Variants in MAGI2 observed in about 807,000 individuals in gnomAD.
The protein encoded by MAGI2 is membrane-associated guanylate kinase, WW and PDZ domain-containing protein 2.
In MAGI2, 35 loss-of-function variants were observed where a neutral mutation model predicts 133.3. The ratio of observed to expected loss-of-function variants is 0.26; its 90% CI spans 0.20 to 0.35. MAGI2 has a LOEUF of 0.35. Ranked by LOEUF, MAGI2 falls within the 10% of genes least tolerant of loss-of-function variation. The pLI, the probability that MAGI2 is intolerant of heterozygous loss-of-function variation, is 1.00. For missense variants in MAGI2, 1,636 were observed against 1,863.4 expected (o/e 0.88, Z 2.25); for synonymous variants, 729 against 710.6 (o/e 1.03, Z -0.41).
At chr7:78,230,103 G>A (rs191208171) in intron 10 of MAGI2, among the ~76,000 whole-genome samples, 1 of 152,296 alleles carries the variant, frequency 6.6e-6, no homozygotes, top group Non-Finnish European at 1.5e-5. Context: ...TATCGCTCAG[G>A]GGAATAGCAC....
At chr7:78,565,928 A>G (rs995206851) in intron 3 of MAGI2, among the ~76,000 whole-genome samples, 1 of 152,156 alleles carries the variant, frequency 6.6e-6, no homozygotes, top group Admixed American at 6.5e-5. Context: ...GTGCGGGTAG[A>G]TCATTAAACC....
intron 21 of MAGI2, among the ~76,000 whole-genome samples, chr7:78,061,113 G>A (rs927424523): frequency 4.0e-5 from 6 of 149,280 alleles, no homozygotes; most frequent in Non-Finnish European, 8.9e-5. Context: ...CCCCTGAGCC[G>A]AGATTGTGCC....
chr7:78,338,370 C>G (rs1291262457), intron 9 of MAGI2, among the ~76,000 whole-genome samples: 3 of 152,226 alleles, frequency 2.0e-5, no homozygotes, highest in African/African-American at 7.2e-5. Flanking sequence ...TCATCCAAAA[C>G]TCTTTCAGGC....
intron 6 of MAGI2, among the ~76,000 whole-genome samples, chr7:78,419,218 G>A (rs1457972404): frequency 1.3e-5 from 2 of 152,066 alleles, no homozygotes; most frequent in African/African-American, 4.8e-5. Context: ...ATAAGGATAG[G>A]ATCTTTTTCA....
intron 6 of MAGI2, among the ~76,000 whole-genome samples, chr7:78,479,051 A>G (rs1216290459): frequency 1.3e-5 from 2 of 151,936 alleles, no homozygotes; most frequent in African/African-American, 4.8e-5. Context: ...GGCAGCTGGA[A>G]GCACCTGCAC....
chr7:78,199,509 G>T (rs1397130472), intron 11 of MAGI2, among the ~76,000 whole-genome samples: 1 of 152,182 alleles, frequency 6.6e-6, no homozygotes, highest in Non-Finnish European at 1.5e-5. Flanking sequence ...TATAGAACTT[G>T]AGACTGATAG....
rs1799779742 is a variant in MAGI2, at chr7:78,555,889, CCA to C, written c.539-34246_539-34245del. The stretch of plus-strand genomic sequence containing the variant: ...TTACAACCTCCACTCTTACCACTAA[CCA>C]CTACTGGGTGGACTGAAGTCTCAAA... On this transcript the variant is annotated intron_variant, in intron 3 of 21. Coordinates refer to ENST00000354212, the MANE Select transcript of MAGI2 (RefSeq NM_012301.4). Among the ~76,000 whole-genome samples, 3 of 152,302 alleles carry C rather than the reference CCA, an allele frequency of 2.0e-5. 1 individual carries two copies. In the South Asian group the frequency reaches 6.2e-4, roughly 32 times the overall value.
At position 78,179,941 on chromosome 7, in the gene MAGI2, G is replaced by A. The variant is rs376461086; in HGVS notation, c.2312-1839C>T. 7.9e-5 allele frequency among the ~76,000 whole-genome samples: 12 copies of A among 152,292 alleles called. No individual in the cohort carries two copies. In the East Asian group the frequency reaches 1.7e-3, roughly 22 times the overall value. On this transcript the variant is annotated intron_variant, in intron 13 of 21. Coordinates refer to ENST00000354212, the MANE Select transcript of MAGI2 (RefSeq NM_012301.4). ...CTTTGGGAGTCTGGAGGCAGATGGA[G>A]TAGAGCTCTACAAAATCATAGCAGG...
At position 78,096,990 on chromosome 7, in the gene MAGI2, A is replaced by G. The variant is rs1817751374; in HGVS notation, c.3568-17905T>C. On this transcript the variant is annotated intron_variant, in intron 20 of 21. Coordinates refer to ENST00000354212, the MANE Select transcript of MAGI2 (RefSeq NM_012301.4). ...ACAAGAGAACAAACAACCCCATTAAAAAGTGGGCAAAGGACAAGAACAGAC... is the reference window on the plus strand; with the variant it reads ...ACAAGAGAACAAACAACCCCATTAAGAAGTGGGCAAAGGACAAGAACAGAC... 3.3e-5 allele frequency among the ~76,000 whole-genome samples: 5 copies of G among 152,228 alleles called. No homozygotes were observed. In the South Asian group the frequency reaches 8.3e-4, roughly 25 times the overall value.
At chr7:78,071,783 T>C (rs1409407104) in intron 21 of MAGI2, among the ~76,000 whole-genome samples, 1 of 152,186 alleles carries the variant, frequency 6.6e-6, no homozygotes, top group African/African-American at 2.4e-5. Context: ...CTTGAGTGAT[T>C]TGTGGAAGCT....
intron 6 of MAGI2, among the ~76,000 whole-genome samples, chr7:78,475,750 A>T (rs934331139): frequency 6.6e-6 from 1 of 151,918 alleles, no homozygotes; most frequent in Non-Finnish European, 1.5e-5. Context: ...GTAAAGCCAC[A>T]GGATTGGGAA....
At chr7:78,379,779 C>G (rs1433390283) in intron 6 of MAGI2, among the ~76,000 whole-genome samples, 1 of 151,950 alleles carries the variant, frequency 6.6e-6, no homozygotes, top group Non-Finnish European at 1.5e-5. Context: ...GCATGGAACA[C>G]TCGCCAAAAT....
intron 13 of MAGI2, among the ~76,000 whole-genome samples, chr7:78,182,571 C>G (rs556652857): frequency 1.5e-4 from 23 of 152,272 alleles, no homozygotes; most frequent in Admixed American, 3.3e-4. Flanking sequence ...TCTAGGGGAG[C>G]CTTCATTCTA....
At chr7:78,714,524 A>C (rs1239770284) in intron 2 of MAGI2, among the ~76,000 whole-genome samples, 1 of 152,182 alleles carries the variant, frequency 6.6e-6, no homozygotes, top group Non-Finnish European at 1.5e-5. Context: ...TATAGGCAAC[A>C]ACGAGGCATT....
At chr7:78,481,052 T>G (rs972282992) in intron 6 of MAGI2, among the ~76,000 whole-genome samples, 5 of 151,936 alleles carry the variant, frequency 3.3e-5, no homozygotes, top group Non-Finnish European at 5.9e-5. Context: ...TTTTTGTAGT[T>G]CTAGAAAAGC....
chr7:79,104,084 A>G (rs577489868), intron 1 of MAGI2, among the ~76,000 whole-genome samples: 4 of 152,266 alleles, frequency 2.6e-5, no homozygotes, highest in South Asian at 2.1e-4. Context: ...ATTTTAGTTC[A>G]TATTGTGTAT....
chr7:79,011,740 T>C (rs922709423), intron 1 of MAGI2, among the ~76,000 whole-genome samples: 1 of 152,150 alleles, frequency 6.6e-6, no homozygotes, highest in Non-Finnish European at 1.5e-5. Flanking sequence ...AATCATCTTA[T>C]TTATTTTTGT....
intron 3 of MAGI2, among the ~76,000 whole-genome samples, chr7:78,573,291 A>AATATATATAAAT (rs1801854235): frequency 1.9e-5 from 1 of 53,358 alleles, no homozygotes; most frequent in Non-Finnish European, 3.0e-5. Context: ...TATTTATATA[A>AATATATATAAAT]ATATATATAT....
chr7:78,782,883 A>G (rs940405642), intron 2 of MAGI2, among the ~76,000 whole-genome samples: 5 of 152,166 alleles, frequency 3.3e-5, no homozygotes, highest in Non-Finnish European at 5.9e-5. Flanking sequence ...TGCATCTCTC[A>G]GACTTCTTTT....
Sources: gnomAD v4.1 joint callset for allele counts (sites outside exome capture counted in the v4.1 genomes callset) on GRCh38, gnomAD v4.1.1 for gene constraint, MANE v1.5 for transcripts, NCBI Gene and HGNC (gene_info 2026-07-23, HGNC 2026-07-21) for gene names.